GBE1: variants seen among roughly 807,000 people sequenced by gnomAD.
The protein encoded by GBE1 is 1,4-alpha-glucan branching enzyme 1.
A neutral mutation model predicts 88.8 loss-of-function variants in GBE1; 70 were observed. The ratio of observed to expected loss-of-function variants is 0.79; its 90% confidence interval spans 0.65 to 0.96. The LOEUF (loss-of-function observed/expected upper bound fraction) is 0.96. Among genes scored for constraint, GBE1 ranks in the 40% least tolerant of loss-of-function variants. GBE1 has a pLI of 0.00. For missense variants in GBE1, 872 were observed against 871.0 expected (o/e 1.00, Z -0.01); for synonymous variants, 284 against 300.1 (o/e 0.95, Z 0.56).
At chr3:81,574,626 A>C (rs1257470518) in intron 12 of GBE1, among the ~76,000 whole-genome samples, 1 of 152,136 alleles carries the variant, frequency 6.6e-6, no homozygotes, top group Admixed American at 6.5e-5. Flanking sequence ...ATTTTTCTCA[A>C]ATTGGAAATC....
At chr3:81,695,710 G>A (rs1705580853) in intron 2 of GBE1, among the ~76,000 whole-genome samples, 1 of 152,104 alleles carries the variant, frequency 6.6e-6, no homozygotes, top group African/African-American at 2.4e-5. Flanking sequence ...AATACAAAAA[G>A]CGAGAGTATT....
chr3:81,705,456 T>G lies in GBE1; in HGVS notation c.301A>C (p.Thr101Pro). ...TTCAAGTACTTACTAAAATCTCCAG[T>G]AAGAAAAACTCCTTCTGCTCCCGGG... Reference protein sequence around the residue: ...WAPGAEGVFLTGDFNGWNPFS... With the variant: ...WAPGAEGVFLPGDFNGWNPFS... The change falls in exon 2 of 16, where the codon ACT becomes CCT. Residue 101 changes from threonine (T) to proline (P), a missense_variant. Coordinates refer to ENST00000429644, the MANE Select transcript of GBE1 (RefSeq NM_000158.4). 3 of 1,586,542 alleles carry G rather than the reference T, an allele frequency of 1.9e-6. No homozygotes were observed. Among genetic ancestry groups the G allele is most frequent in the Non-Finnish European group, 2.6e-6 (3 of 1,168,212 alleles).
chr3:81,613,134 G>C, intron 7 of GBE1: 1 of 374,804 alleles, frequency 2.7e-6, no homozygotes, highest in Non-Finnish European at 4.7e-6. Flanking sequence ...CAGTCCTTGG[G>C]AGCAAGCTGC....
chr3:81,636,033 C>T (rs899134591), intron 7 of GBE1, among the ~76,000 whole-genome samples: 3 of 152,092 alleles, frequency 2.0e-5, no homozygotes, highest in Admixed American at 6.6e-5. Context: ...TATACAAAGA[C>T]GGTAAATCCT....
intron 14 of GBE1, among the ~76,000 whole-genome samples, chr3:81,530,270 ATT>A (rs71108322): frequency 1.4e-5 from 2 of 142,042 alleles, no homozygotes. Flanking sequence ...TTGCTATTTC[ATT>A]TTTTTTTTTT....
At chr3:81,490,523 G>T in intron 15 of GBE1, 60 bp from the exon 16 acceptor site, 2 of 1,338,510 alleles carry the variant, frequency 1.5e-6, no homozygotes, top group South Asian at 1.2e-5. Flanking sequence ...CTGTCATTAT[G>T]TCAAAGAAAC....
intron 7 of GBE1, among the ~76,000 whole-genome samples, chr3:81,597,881 G>A (rs778111930): frequency 1.4e-4 from 21 of 151,940 alleles, no homozygotes; most frequent in Middle Eastern, 3.4e-3. Context: ...ATCAAGTAAT[G>A]AGGATTTATT....
At chr3:81,625,119 A>C (rs1704394668) in intron 7 of GBE1, among the ~76,000 whole-genome samples, 1 of 150,614 alleles carries the variant, frequency 6.6e-6, no homozygotes. Flanking sequence ...GGGAGGGAGA[A>C]GGAGGGATGT....
intron 7 of GBE1, among the ~76,000 whole-genome samples, chr3:81,628,742 C>CATATATATATATATATAT (rs71108330): frequency 1.7e-4 from 11 of 65,424 alleles, no homozygotes; most frequent in East Asian, 1.1e-3. Context: ...AGAACAATTG[C>CATATATATATATATATAT]ATATATATAT....
chr3:81,666,187 T>C (rs1190304727), intron 3 of GBE1, among the ~76,000 whole-genome samples: 1 of 152,086 alleles, frequency 6.6e-6, no homozygotes, highest in African/African-American at 2.4e-5. Context: ...ATAAAAAGCA[T>C]ATAAATACAG....
intron 7 of GBE1, among the ~76,000 whole-genome samples, chr3:81,617,642 GCTC>G (rs1704266444): frequency 6.6e-6 from 1 of 151,598 alleles, no homozygotes; most frequent in Non-Finnish European, 1.5e-5. Context: ...TAAGAATTTT[GCTC>G]CTAATTCACG....
chr3:81,658,527 C>A (rs1026464693), intron 3 of GBE1, among the ~76,000 whole-genome samples: 1 of 152,064 alleles, frequency 6.6e-6, no homozygotes, highest in Non-Finnish European at 1.5e-5. Flanking sequence ...GAAACCAGGT[C>A]CTGACTTAGA....
intron 12 of GBE1, among the ~76,000 whole-genome samples, chr3:81,566,976 C>T (rs975775580): frequency 7.9e-5 from 12 of 152,148 alleles, no homozygotes; most frequent in African/African-American, 2.9e-4. Context: ...AAACCTCTCT[C>T]GATCCCCATC....
At chr3:81,545,486 T>A (rs1576142291) in intron 12 of GBE1, among the ~76,000 whole-genome samples, 1 of 152,164 alleles carries the variant, frequency 6.6e-6, no homozygotes, top group South Asian at 2.1e-4. Context: ...AAGGATGACA[T>A]GCTAGATGAG....
rs774160163 is a variant in GBE1 at position 81,535,194 on chromosome 3, T to A, written c.1934+1A>T. 6.2e-7 allele frequency: 1 copy of A among 1,609,496 alleles called. No homozygotes were observed. The highest frequency in any genetic ancestry group is 8.5e-7 in the Non-Finnish European group (1 of 1,177,898). On this transcript the variant is annotated splice_donor_variant, in intron 14 of 15. Coordinates refer to ENST00000429644, the MANE Select transcript of GBE1 (RefSeq NM_000158.4). LOFTEE classifies it high-confidence loss of function. ...ATATTCACTGGTAACAAAAAGGATA[T>A]TTCCCTGGCAATGCTGTTCCAACTC...
At chr3:81,758,581 T>C (rs1372603832) in intron 1 of GBE1, among the ~76,000 whole-genome samples, 3 of 152,188 alleles carry the variant, frequency 2.0e-5, no homozygotes, top group African/African-American at 7.2e-5. Flanking sequence ...ATGGGAACAA[T>C]TAAATGTTGT....
In GBE1 at chr3:81,570,421, T is replaced by C. The variant is rs193065215; in HGVS notation, c.1618+7504A>G. Among the ~76,000 whole-genome samples, 409 of 152,294 alleles carry C rather than the reference T, an allele frequency of 2.7e-3. 2 individuals carry two copies. The highest frequency in any genetic ancestry group is 3.9e-3 in the Non-Finnish European group (267 of 68,028). ...GTTTCTCATAAGTGTGAGCAAGATG[T>C]TATGAATCTCCAAGCATGAAAGATA... On this transcript the variant is annotated intron_variant, in intron 12 of 15. Transcript: ENST00000429644.
At chr3:81,635,891 T>A (rs1489981052) in intron 7 of GBE1, among the ~76,000 whole-genome samples, 1 of 152,120 alleles carries the variant, frequency 6.6e-6, no homozygotes, top group East Asian at 1.9e-4. Flanking sequence ...TCAGCATGAG[T>A]TTGGATTTGA....
At chr3:81,667,439 C>G (rs1490502992) in intron 3 of GBE1, among the ~76,000 whole-genome samples, 1 of 152,124 alleles carries the variant, frequency 6.6e-6, no homozygotes, top group Non-Finnish European at 1.5e-5. Context: ...CCCTTTATTT[C>G]TTTCTCTTGC....
Sources: gnomAD v4.1 joint callset for allele counts (sites outside exome capture counted in the v4.1 genomes callset) on GRCh38, gnomAD v4.1.1 for gene constraint, MANE v1.5 for transcripts, NCBI Gene and HGNC (gene_info 2026-07-23, HGNC 2026-07-21) for gene names.